The following LRFN2 variants were observed in gnomAD, a reference collection of about 807,000 sequenced individuals.
The protein encoded by LRFN2 is leucine rich repeat and fibronectin type III domain containing 2, also known as leucine-rich repeat and fibronectin type-III domain-containing protein 2.
In LRFN2, 18 loss-of-function variants were observed where a neutral mutation model predicts 37.3. The observed-to-expected ratio is 0.48, with a 90% CI of 0.33 to 0.72. LRFN2 has a LOEUF of 0.72. Among genes scored for constraint, LRFN2 ranks in the 30% least tolerant of loss-of-function variants. The pLI is 0.02. For missense variants in LRFN2, 1,006 were observed against 1,060.7 expected, an observed-to-expected ratio of 0.95 and a Z score of 0.72; for synonymous variants, 556 against 466.6, an observed-to-expected ratio of 1.19 and a Z score of -2.47.
chr6:40,534,213 A>C (rs769929096), intron 1 of LRFN2, among the ~76,000 whole-genome samples: 7 of 152,200 alleles, frequency 4.6e-5, no homozygotes, highest in Non-Finnish European at 7.4e-5. Context: ...CTATGTGACC[A>C]GTCACTTCTG....
At chr6:40,503,721 C>A (rs971205470) in intron 1 of LRFN2, among the ~76,000 whole-genome samples, 3 of 152,148 alleles carry the variant, frequency 2.0e-5, no homozygotes, top group African/African-American at 7.2e-5. Context: ...CAGTATGTGC[C>A]AAGGTGCAGC....
chr6:40,447,513 C>T (rs1764000588), intron 1 of LRFN2, among the ~76,000 whole-genome samples: 1 of 152,142 alleles, frequency 6.6e-6, no homozygotes, highest in Admixed American at 6.5e-5. Flanking sequence ...AAGTTTGTTC[C>T]CAAACCTTTA....
intron 2 of LRFN2, among the ~76,000 whole-genome samples, chr6:40,416,229 A>T (rs1763088729): frequency 6.6e-6 from 1 of 152,138 alleles, no homozygotes; most frequent in South Asian, 2.1e-4. Flanking sequence ...GGCTGGTCTC[A>T]AACTGCTGAC....
intron 1 of LRFN2, among the ~76,000 whole-genome samples, chr6:40,564,709 T>C (rs993127891): frequency 3.3e-5 from 5 of 152,202 alleles, no homozygotes; most frequent in Non-Finnish European, 7.3e-5. Flanking sequence ...AATGTAAATC[T>C]GGGTTCCTTT....
intron 1 of LRFN2, among the ~76,000 whole-genome samples, chr6:40,433,920 G>A (rs1056207240): frequency 2.0e-5 from 3 of 152,134 alleles, no homozygotes; most frequent in Non-Finnish European, 2.9e-5. Flanking sequence ...TCAGAAGGAA[G>A]GGATTATCTA....
In LRFN2 at chr6:40,432,641, T is replaced by C. The variant is rs1262042627; in HGVS notation, c.473A>G (p.Tyr158Cys). 3 of 1,614,010 alleles carry C rather than the reference T, an allele frequency of 1.9e-6. No individual in the cohort carries two copies. Among genetic ancestry groups the C allele is most frequent in the Non-Finnish European group, 2.5e-6 (3 of 1,180,032 alleles). Residue 158 changes from tyrosine to cysteine, a missense_variant, in exon 2 of 3, where the codon TAC becomes TGC. This residue lies in a region of LRFN2 where 185 missense variants were observed against 254.9 expected (regional missense o/e 0.73). Transcript: ENST00000338305. ...LLTLEDLDLSYNNLHGLPWDS... is the reference protein window; with the variant it reads ...LLTLEDLDLSCNNLHGLPWDS... ...CCACGGCAGGCCATGGAGGTTGTTGTAGGAGAGGTCCAGATCCTCCAATGT... is the reference window on the plus strand; with the variant it reads ...CCACGGCAGGCCATGGAGGTTGTTGCAGGAGAGGTCCAGATCCTCCAATGT...
chr6:40,477,752 C>G (rs552654674), intron 1 of LRFN2, among the ~76,000 whole-genome samples: 2 of 152,206 alleles, frequency 1.3e-5, no homozygotes, highest in Non-Finnish European at 2.9e-5. Context: ...GCTGGAAGCG[C>G]GTTCTCCCCT....
chr6:40,407,288 G>A (rs903267832), intron 2 of LRFN2, among the ~76,000 whole-genome samples: 1 of 152,216 alleles, frequency 6.6e-6, no homozygotes, highest in African/African-American at 2.4e-5. Flanking sequence ...CCCAGGGACT[G>A]GGTTGGCATA....
At chr6:40,562,562 C>T (rs1767018255) in intron 1 of LRFN2, among the ~76,000 whole-genome samples, 1 of 152,140 alleles carries the variant, frequency 6.6e-6, no homozygotes. Flanking sequence ...TTGCCAGGAT[C>T]CTGCAGTTCC....
intron 1 of LRFN2, among the ~76,000 whole-genome samples, chr6:40,474,707 C>T (rs1012921937): frequency 1.3e-5 from 2 of 152,108 alleles, no homozygotes; most frequent in African/African-American, 4.8e-5. Flanking sequence ...CCAGGCTGGT[C>T]TTGAACTCCT....
intron 2 of LRFN2, among the ~76,000 whole-genome samples, chr6:40,396,641 G>A (rs1762619739): frequency 1.3e-5 from 2 of 151,930 alleles, no homozygotes; most frequent in East Asian, 1.9e-4. Flanking sequence ...AAGCCTGCTA[G>A]GATGAAGAGC....
intron 1 of LRFN2, among the ~76,000 whole-genome samples, chr6:40,468,334 C>T (rs973695847): frequency 5.3e-5 from 8 of 152,068 alleles, no homozygotes; most frequent in African/African-American, 1.5e-4. Flanking sequence ...ACCATCTCTG[C>T]GATCTGTGTC....
intron 1 of LRFN2, among the ~76,000 whole-genome samples, chr6:40,489,775 G>T (rs533920443): frequency 6.6e-6 from 1 of 152,226 alleles, no homozygotes; most frequent in Admixed American, 6.5e-5. Flanking sequence ...GGAGAGTAGA[G>T]ACAAAAGAGA....
intron 1 of LRFN2, among the ~76,000 whole-genome samples, chr6:40,506,859 T>C (rs924618797): frequency 6.6e-6 from 1 of 152,188 alleles, no homozygotes; most frequent in Non-Finnish European, 1.5e-5. Flanking sequence ...ATCTCATTTC[T>C]GCTCTGAGCC....
intron 2 of LRFN2, among the ~76,000 whole-genome samples, chr6:40,424,313 C>T (rs145449588): frequency 1.2e-3 from 176 of 152,274 alleles, no homozygotes; most frequent in African/African-American, 3.9e-3. Context: ...TCCATACTTC[C>T]CCAGAAGGAG....
At chr6:40,488,960 AC>A in intron 1 of LRFN2, among the ~76,000 whole-genome samples, 1 of 152,296 alleles carries the variant, frequency 6.6e-6, no homozygotes, top group South Asian at 2.1e-4. Flanking sequence ...GGAGAGTTGA[AC>A]CGATAATGTT....
intron 1 of LRFN2, among the ~76,000 whole-genome samples, chr6:40,570,771 T>C (rs1336596830): frequency 6.6e-6 from 1 of 152,148 alleles, no homozygotes; most frequent in Non-Finnish European, 1.5e-5. Flanking sequence ...AGAAATGGTG[T>C]TCTAGGCAGA....
At chr6:40,516,653 C>A (rs1036825726) in intron 1 of LRFN2, among the ~76,000 whole-genome samples, 1 of 152,174 alleles carries the variant, frequency 6.6e-6, no homozygotes. Context: ...CAAAGTCCCA[C>A]CTCCCTGACC....
At chr6:40,435,547 AT>A (rs11317012) in intron 1 of LRFN2, among the ~76,000 whole-genome samples, 43,531 of 148,782 alleles carry the variant, frequency 0.29, 6,785 homozygotes, top group African/African-American at 0.4. Context: ...TTTGTTTCCT[AT>A]TTTTTTTTGA....
Sources: allele counts gnomAD v4.1 joint callset (sites outside exome capture counted in the v4.1 genomes callset), GRCh38; gene constraint gnomAD v4.1.1; regional missense constraint gnomAD v4.1.1; transcripts MANE v1.5; gene names NCBI Gene and HGNC (gene_info 2026-07-23, HGNC 2026-07-21).